Variants in SLFN12 observed in about 807,000 individuals in gnomAD.
SLFN12 encodes schlafen family member 12, also known as ribonuclease SLFN12.
Under a neutral mutation model 29.1 loss-of-function variants are expected in SLFN12, and 25 were observed. The ratio of observed to expected loss-of-function variants is 0.86; its 90% confidence interval spans 0.63 to 1.20. The LOEUF is 1.20. Ranked by LOEUF, SLFN12 falls within the 50% of genes most tolerant of loss-of-function variation. The pLI, the probability that SLFN12 is intolerant of heterozygous loss-of-function variation, is 0.00. For synonymous variants in SLFN12, 257 were observed against 238.7 expected, an observed-to-expected ratio of 1.08 and a Z score of -0.71; for missense variants, 660 against 666.2, an observed-to-expected ratio of 0.99 and a Z score of 0.10.
intron 1 of SLFN12, among the ~76,000 whole-genome samples, chr17:35,427,550 T>A (rs1183146215): frequency 1.3e-5 from 2 of 152,118 alleles, no homozygotes. Flanking sequence ...CATGAGGACC[T>A]TTTTGCAGTG....
chr17:35,418,665 A>G (rs62078103), intron 3 of SLFN12, among the ~76,000 whole-genome samples: 2,427 of 150,268 alleles, frequency 0.016, 28 homozygotes, highest in Non-Finnish European at 0.025. Context: ...GTCAAAAGTT[A>G]TACACCGATT....
chr17:35,422,792 C>T lies in SLFN12; in HGVS notation c.237G>A (p.Leu79=). 1 of 1,613,710 alleles carries T rather than the reference C, an allele frequency of 6.2e-7. No homozygotes were observed. The highest frequency in any genetic ancestry group is 8.5e-7 in the Non-Finnish European group (1 of 1,179,792). Residue 79 remains leucine, a synonymous_variant, in exon 2 of 4, where the codon TTG becomes TTA. Transcript: ENST00000304905. The part of the protein sequence containing the change: ...SYTKDGIGLD[L]ENSFSNILLF... ...ACAGAATGTTACTAAAAGAATTTTCCAAATCTAGTCCTATTCCATCTTTTG... is the reference window on the plus strand; with the variant it reads ...ACAGAATGTTACTAAAAGAATTTTCTAAATCTAGTCCTATTCCATCTTTTG...
At chr17:35,425,091 C>T (rs572021899) in intron 1 of SLFN12, among the ~76,000 whole-genome samples, 9 of 151,862 alleles carry the variant, frequency 5.9e-5, no homozygotes, top group African/African-American at 2.2e-4. Flanking sequence ...AGTTCAAGAC[C>T]AGCCTAGACA....
At chr17:35,419,408 T>C (rs1597772501) in intron 3 of SLFN12, among the ~76,000 whole-genome samples, 1 of 152,036 alleles carries the variant, frequency 6.6e-6, no homozygotes, top group East Asian at 1.9e-4. Flanking sequence ...ATCTCTAAAT[T>C]ACTCCTATAA....
At position 35,422,639 on chromosome 17, in the gene SLFN12, A is replaced by C. The variant is rs751145904; in HGVS notation, c.390T>G (p.Asp130Glu). The change falls in exon 2 of 4, where the codon GAT (aspartate) becomes GAG (glutamate). Residue 130 changes from aspartate to glutamate, a missense_variant. By Grantham distance (45) the Asp-to-Glu change is conservative (BLOSUM62 2). Transcript: ENST00000304905. Reference sequence around the variant, plus strand: ...CATTCATGACTTTTGCAGATGTTATATCTCTTTTGTACAAATTGGAGCTCA... The same window carrying C: ...CATTCATGACTTTTGCAGATGTTATCTCTCTTTTGTACAAATTGGAGCTCA... ...TTLSSNLYKRDITSAKVMNAT... is the reference protein window; with the variant it reads ...TTLSSNLYKREITSAKVMNAT... 6.2e-7 allele frequency: 1 copy of C among 1,613,910 alleles called. No homozygotes were observed. Among genetic ancestry groups the C allele is most frequent in the Non-Finnish European group, 8.5e-7 (1 of 1,179,938 alleles).
Position 35,429,486 on chromosome 17 carries a change from G to C in SLFN12, c.-41+2702C>G, listed in dbSNP as rs1229618326. Reference sequence around the variant, plus strand: ...TGGCCTCCCTTAAACCTTGGGTCTAGGTTTACAGGTTAGATGTTTCCACTG... The same window carrying C: ...TGGCCTCCCTTAAACCTTGGGTCTACGTTTACAGGTTAGATGTTTCCACTG... On this transcript the variant is annotated intron_variant, in intron 1 of 3. Transcript: ENST00000304905. Among the ~76,000 whole-genome samples the C allele has an allele frequency of 2.0e-5, 3 of 152,076 alleles. No homozygotes were observed. In the East Asian group the frequency reaches 5.8e-4, roughly 29 times the overall value.
chr17:35,422,167 T>C lies in SLFN12; in HGVS notation c.862A>G (p.Lys288Glu), dbSNP rs751739690. The C allele has an allele frequency of 3.7e-6, 6 of 1,614,040 alleles. No individual in the cohort carries two copies. The highest frequency in any genetic ancestry group is 5.1e-6 in the Non-Finnish European group (6 of 1,180,020). Residue 288 changes from lysine (K) to glutamate (E), a missense_variant, in exon 2 of 4, where the codon AAA (lysine) becomes GAA (glutamate). Transcript: ENST00000304905. ...CCTTTATCATATACTCCAAGGAATT[T>C]GCATGAATAATTTATCTTCTTCTTC... is the stretch of plus-strand genomic sequence containing the variant. The part of the protein sequence containing the change: ...MEKKKINYSC[K>E]FLGVYDKGSL...
intron 2 of SLFN12, 145 bp from the exon 3 acceptor site, chr17:35,420,526 T>G (rs565635923): frequency 1.9e-6 from 1 of 538,400 alleles, no homozygotes; most frequent in African/African-American, 2.0e-5. Flanking sequence ...GTTAGATTCT[T>G]AGGTCAGATA....
chr17:35,415,319 G>A (rs1436848050), intron 3 of SLFN12, among the ~76,000 whole-genome samples: 2 of 151,978 alleles, frequency 1.3e-5, no homozygotes, highest in South Asian at 2.1e-4. Context: ...ACATGTAGAA[G>A]AATAAAACCA....
rs142031770 is a variant in SLFN12, at chr17:35,418,435, G to A, written c.1147+1839C>T. Among the ~76,000 whole-genome samples the A allele has an allele frequency of 7.3e-3, 1,105 of 152,028 alleles. 6 individuals carry two copies. The highest frequency in any genetic ancestry group is 0.011 in the Non-Finnish European group (723 of 67,946). ...GCAATGAGTACGAAGACCTCTAAAT[G>A]ATCCATTTACACCTAATTTATAGAA... On this transcript the variant is annotated intron_variant, in intron 3 of 3. Transcript: ENST00000304905.
chr17:35,419,889 C>A (rs1293288876), intron 3 of SLFN12, among the ~76,000 whole-genome samples: 1 of 152,092 alleles, frequency 6.6e-6, no homozygotes, highest in Non-Finnish European at 1.5e-5. Flanking sequence ...TCATCAACAA[C>A]AACAACAAAA....
At chr17:35,420,011 T>C (rs1298343169) in intron 3 of SLFN12, among the ~76,000 whole-genome samples, 4 of 152,190 alleles carry the variant, frequency 2.6e-5, no homozygotes, top group African/African-American at 7.2e-5. Context: ...ATGATATATA[T>C]GCTTTCTTTT....
In SLFN12 at chr17:35,422,285, A is replaced by G. The variant is rs1055746038; in HGVS notation, c.744T>C (p.Ile248=). Residue 248 remains isoleucine, a synonymous_variant, in exon 2 of 4, where the codon ATT becomes ATC. Coordinates refer to ENST00000304905, the MANE Select transcript of SLFN12 (RefSeq NM_018042.5). ...GGTCACTCATCTCTGCTTTAAAGCCAATTATTTCTTTATCTTCATTTAAAC... is the reference window on the plus strand; with the variant it reads ...GGTCACTCATCTCTGCTTTAAAGCCGATTATTTCTTTATCTTCATTTAAAC... ...FIGLNEDKEI[I]GFKAEMSDLD... is the part of the protein sequence containing the mutation. 2.5e-6 allele frequency: 4 copies of G among 1,613,748 alleles called. No individual in the cohort carries two copies. The African/African-American group carries it at 4.0e-5, about 16-fold the overall frequency.
chr17:35,413,230 C>T (rs933669237), intron 3 of SLFN12, among the ~76,000 whole-genome samples: 4 of 151,968 alleles, frequency 2.6e-5, no homozygotes, highest in Non-Finnish European at 4.4e-5. Context: ...TTAAAGATAT[C>T]ACTCACAAAT....
At chr17:35,427,703 T>G (rs2142049407) in intron 1 of SLFN12, among the ~76,000 whole-genome samples, 1 of 152,322 alleles carries the variant, frequency 6.6e-6, no homozygotes, top group South Asian at 2.1e-4. Context: ...ATTAACTGCA[T>G]AATTTCATAC....
intron 2 of SLFN12, chr17:35,420,603 A>G (rs1911571875): frequency 2.9e-6 from 1 of 348,842 alleles, no homozygotes; most frequent in African/African-American, 2.1e-5. Flanking sequence ...AACAGTAAAA[A>G]TGCATTAATA....
chr17:35,420,396 T>C lies in SLFN12; in HGVS notation c.1040-15A>G. ...ACTGGAAAATTCTTAAAAACAAAAA[T>C]ATCACATTCTTAATTTCGCAGAAGG... On this transcript the variant is annotated splice_polypyrimidine_tract_variant and intron_variant, in intron 2 of 3. Coordinates refer to ENST00000304905, the MANE Select transcript of SLFN12 (RefSeq NM_018042.5). The C allele has an allele frequency of 6.4e-7, 1 of 1,557,520 alleles. No homozygotes were observed. Among genetic ancestry groups the C allele is most frequent in the Non-Finnish European group, 8.9e-7 (1 of 1,129,288 alleles).
Position 35,411,164 on chromosome 17 carries a change from A to G in SLFN12, c.*174T>C, listed in dbSNP as rs1910975634. On this transcript the variant is annotated 3_prime_UTR_variant, in exon 4 of 4. Coordinates refer to ENST00000304905, the MANE Select transcript of SLFN12 (RefSeq NM_018042.5). ...CAAATTAATTTTCCTAATATCCCTC[A>G]AACAATATCTGTGAAGATTATTTAG... 18 of 526,622 alleles carry G rather than the reference A, an allele frequency of 3.4e-5. No individual in the cohort carries two copies. The East Asian group carries it at 5.7e-4, about 17-fold the overall frequency. The allele number at this position is 526,622 out of a possible 1,614,324, so 32.6% of individuals were successfully genotyped here.
chr17:35,420,468 T>G (rs2142038872), intron 2 of SLFN12, 87 bp from the exon 3 acceptor site: 1 of 756,980 alleles, frequency 1.3e-6, no homozygotes, highest in Middle Eastern at 3.2e-4. Context: ...AAAAGTCTAC[T>G]TGTAACTGAT....
Sources: gnomAD v4.1 joint callset for allele counts (sites outside exome capture counted in the v4.1 genomes callset) on GRCh38, gnomAD v4.1.1 for gene constraint, MANE v1.5 for transcripts, NCBI Gene and HGNC (gene_info 2026-07-23, HGNC 2026-07-21) for gene names.